ANKS1A: variants seen among roughly 807,000 people sequenced by gnomAD.
The protein encoded by ANKS1A is ankyrin repeat and SAM domain-containing protein 1A.
In ANKS1A, 55 loss-of-function variants were observed where a neutral mutation model predicts 120.3. That is an observed-to-expected ratio of 0.46 (90% CI 0.37 to 0.57). ANKS1A has a LOEUF of 0.57. ANKS1A is among the 20% of genes least tolerant of loss of function. ANKS1A has a pLI of 0.00. For missense variants in ANKS1A, 1,123 were observed against 1,480.3 expected (o/e 0.76, Z 3.96); for synonymous variants, 590 against 604.7 (o/e 0.98, Z 0.36).
At chr6:34,935,315 G>C (rs893666308) in intron 1 of ANKS1A, among the ~76,000 whole-genome samples, 31 of 152,132 alleles carry the variant, frequency 2.0e-4, no homozygotes, top group Non-Finnish European at 2.1e-4. Context: ...TCAAACTCCT[G>C]GGCTCAAGCA....
chr6:35,001,609 G>A (rs1018014845), intron 10 of ANKS1A, among the ~76,000 whole-genome samples: 7 of 152,236 alleles, frequency 4.6e-5, no homozygotes, highest in African/African-American at 7.2e-5. Context: ...TGTCTCTCAC[G>A]ACAGGGAAGA....
intron 11 of ANKS1A, among the ~76,000 whole-genome samples, chr6:35,053,453 G>T (rs1021886264): frequency 1.3e-5 from 2 of 152,244 alleles, no homozygotes; most frequent in Non-Finnish European, 2.9e-5. Context: ...TCTGTGCCCC[G>T]TCTCATCTCC....
At chr6:34,911,116 C>T (rs2127457209) in intron 1 of ANKS1A, among the ~76,000 whole-genome samples, 1 of 152,158 alleles carries the variant, frequency 6.6e-6, no homozygotes, top group Middle Eastern at 3.4e-3. Context: ...TTTTTTTAAG[C>T]AGGCAGATAA....
At chr6:34,951,537 G>A (rs1770092889) in intron 1 of ANKS1A, among the ~76,000 whole-genome samples, 3 of 152,146 alleles carry the variant, frequency 2.0e-5, no homozygotes, top group Admixed American at 6.5e-5. Flanking sequence ...GTGGAATACT[G>A]TTTTTGTCTG....
chr6:35,061,793 T>C (rs950549966), intron 13 of ANKS1A, among the ~76,000 whole-genome samples: 3 of 152,202 alleles, frequency 2.0e-5, no homozygotes, highest in African/African-American at 7.2e-5. Flanking sequence ...CGGGGAAGGA[T>C]GACAAACTCG....
At chr6:35,066,559 G>C (rs906037433) in intron 13 of ANKS1A, among the ~76,000 whole-genome samples, 1 of 151,830 alleles carries the variant, frequency 6.6e-6, no homozygotes, top group Non-Finnish European at 1.5e-5. Flanking sequence ...GGGTCAGAGT[G>C]GGGGGGTGCT....
intron 1 of ANKS1A, among the ~76,000 whole-genome samples, chr6:34,946,801 A>G (rs753615065): frequency 2.6e-5 from 4 of 152,352 alleles, no homozygotes; most frequent in East Asian, 1.9e-4. Context: ...AGAAATATCA[A>G]TACAACTTTT....
intron 1 of ANKS1A, among the ~76,000 whole-genome samples, chr6:34,917,517 A>G (rs538962997): frequency 3.8e-3 from 574 of 152,366 alleles, no homozygotes; most frequent in Non-Finnish European, 6.4e-3. Flanking sequence ...TTATAAAACC[A>G]GTTTTTGTAA....
intron 10 of ANKS1A, among the ~76,000 whole-genome samples, chr6:35,011,717 C>A (rs1187733124): frequency 6.6e-6 from 1 of 152,174 alleles, no homozygotes; most frequent in African/African-American, 2.4e-5. Flanking sequence ...CAGAATAAAT[C>A]AGTCTCCTTT....
chr6:34,954,359 G>A (rs932038094), intron 1 of ANKS1A, among the ~76,000 whole-genome samples: 6 of 151,408 alleles, frequency 4.0e-5, no homozygotes, highest in South Asian at 4.2e-4. Flanking sequence ...TTGTGCGTGC[G>A]TGTGTGTGTG....
chr6:34,977,248 C>T (rs1443584780), intron 3 of ANKS1A, among the ~76,000 whole-genome samples: 2 of 152,258 alleles, frequency 1.3e-5, no homozygotes, highest in Non-Finnish European at 2.9e-5. Flanking sequence ...TTGGCAGGAG[C>T]GCCATGGAAG....
Position 35,088,913 on chromosome 6 carries a change from C to G in ANKS1A, c.*304C>G, listed in dbSNP as rs1778148770. 1.5e-6 allele frequency: 2 copies of G among 1,363,802 alleles called. No homozygotes were observed. Among genetic ancestry groups the G allele is most frequent in the African/African-American group, 1.5e-5 (1 of 68,180 alleles). 84.5% of individuals were successfully genotyped at this position (1,363,802 alleles called of 1,614,324 possible). A position where few individuals can be genotyped will look rare whatever the true frequency, so the allele number is the denominator to read the frequency against. On this transcript the variant is annotated 3_prime_UTR_variant, in exon 24 of 24. Coordinates refer to ENST00000360359, the MANE Select transcript of ANKS1A (RefSeq NM_015245.3). ...AAAAAAAATCTTTTTATAAAATGAA[C>G]TTTTAACACTTGGCTCAAACCTCTA... is the stretch of plus-strand genomic sequence containing the variant.
chr6:35,024,172 C>T (rs1774493487), intron 11 of ANKS1A, among the ~76,000 whole-genome samples: 1 of 152,142 alleles, frequency 6.6e-6, no homozygotes, highest in Non-Finnish European at 1.5e-5. Context: ...CTGTGTGTTC[C>T]TGCGGCAGAG....
At chr6:35,018,142 A>G in intron 11 of ANKS1A, 83 bp downstream of exon 11, 1 of 1,393,880 alleles carries the variant, frequency 7.2e-7, no homozygotes, top group Non-Finnish European at 9.9e-7. Flanking sequence ...GCCAACTCTC[A>G]GGCCCAGGAT....
At chr6:35,023,365 G>A (rs1379892539) in intron 11 of ANKS1A, among the ~76,000 whole-genome samples, 2 of 152,174 alleles carry the variant, frequency 1.3e-5, no homozygotes, top group South Asian at 2.1e-4. Context: ...AAGCATAGAT[G>A]GCTGTATGCT....
chr6:34,946,227 T>A (rs1769790684), intron 1 of ANKS1A, among the ~76,000 whole-genome samples: 2 of 151,496 alleles, frequency 1.3e-5, no homozygotes, highest in African/African-American at 4.8e-5. Context: ...ATTATCCACC[T>A]GCCTTGGACT....
chr6:35,060,740 A>G lies in ANKS1A; in HGVS notation c.2184+487A>G, dbSNP rs1158609654. ...TGGCCTCAGAGATGGCCCAGAGGAAAGGCTGAGTTGATGGCCTGGAGGATT... is the reference window on the plus strand; with the variant it reads ...TGGCCTCAGAGATGGCCCAGAGGAAGGGCTGAGTTGATGGCCTGGAGGATT... On this transcript the variant is annotated intron_variant, in intron 13 of 23. Coordinates refer to ENST00000360359, the MANE Select transcript of ANKS1A (RefSeq NM_015245.3). This position sits in a 1 kb window ranked among gnomAD's most constrained non-coding sequence, Gnocchi z 4.5. Among the ~76,000 whole-genome samples, 1 of 152,204 alleles carries G rather than the reference A, an allele frequency of 6.6e-6. No individual in the cohort carries two copies. The highest frequency in any genetic ancestry group is 1.5e-5 in the Non-Finnish European group (1 of 68,040).
chr6:34,892,104 A>C (rs867623722), intron 1 of ANKS1A, among the ~76,000 whole-genome samples: 1 of 152,162 alleles, frequency 6.6e-6, no homozygotes, highest in Non-Finnish European at 1.5e-5. Context: ...TTAACTCTCT[A>C]TTCCCTAGAG....
rs1581647676 is a variant in ANKS1A, at chr6:34,889,525, G to C, written c.123G>C (p.Gly41=). ...GFGGGGGGGS[G]GGGGGSGGGG... ...GGGGCGGCGGCGGCGGTGGCTCTGG[G>C]GGCGGCGGCGGCGGCAGCGGCGGCG... Residue 41 remains glycine, a synonymous_variant, in exon 1 of 24, where the codon GGG becomes GGC. Coordinates refer to ENST00000360359, the MANE Select transcript of ANKS1A (RefSeq NM_015245.3). This position sits in a 1 kb window ranked among gnomAD's most constrained non-coding sequence, Gnocchi z 5.5. 7.9e-7 allele frequency: 1 copy of C among 1,272,106 alleles called. No homozygotes were observed. The highest frequency in any genetic ancestry group is 9.8e-7 in the Non-Finnish European group (1 of 1,019,378). 78.8% of individuals were successfully genotyped at this position (1,272,106 alleles called of 1,614,324 possible). A position where few individuals can be genotyped will look rare whatever the true frequency, so the allele number is the denominator to read the frequency against.
Sources: allele counts gnomAD v4.1 joint callset (sites outside exome capture counted in the v4.1 genomes callset), GRCh38; gene constraint gnomAD v4.1.1; non-coding constraint Gnocchi (gnomAD v3.1); transcripts MANE v1.5; gene names NCBI Gene and HGNC (gene_info 2026-07-23, HGNC 2026-07-21).